PIGU: variants seen among roughly 807,000 people sequenced by gnomAD.
The protein encoded by PIGU is GPI-anchor transamidase component PIGU.
PIGU carries 24 observed loss-of-function variants against 49.9 expected under a neutral mutation model. The ratio of observed to expected loss-of-function variants is 0.48; its 90% CI spans 0.35 to 0.68. The LOEUF is 0.68. PIGU is among the 30% of genes least tolerant of loss of function. PIGU has a pLI of 0.01. For missense variants in PIGU, 490 were observed against 532.6 expected (o/e 0.92, Z 0.79); for synonymous variants, 220 against 205.7 (o/e 1.07, Z -0.59).
chr20:34,653,767 A>C (rs1479319608), intron 2 of PIGU, among the ~76,000 whole-genome samples: 1 of 152,224 alleles, frequency 6.6e-6, no homozygotes, highest in East Asian at 1.9e-4. Flanking sequence ...ATAATGAGTA[A>C]AATAAACACA....
chr20:34,611,561 G>A (rs571087488), intron 7 of PIGU, among the ~76,000 whole-genome samples: 5 of 149,766 alleles, frequency 3.3e-5, no homozygotes, highest in East Asian at 3.9e-4. Flanking sequence ...CAGGAGAATC[G>A]CTTGAACCTG....
At chr20:34,644,571 CAATA>C (rs1986272883) in intron 3 of PIGU, among the ~76,000 whole-genome samples, 2 of 152,292 alleles carry the variant, frequency 1.3e-5, no homozygotes, top group East Asian at 3.9e-4. Flanking sequence ...AGTAGGTCCT[CAATA>C]AATAGAGTTT....
At chr20:34,584,967 C>A (rs1054231649) in intron 9 of PIGU, among the ~76,000 whole-genome samples, 1 of 152,154 alleles carries the variant, frequency 6.6e-6, no homozygotes, top group Non-Finnish European at 1.5e-5. Flanking sequence ...GGATTATATG[C>A]GTGAGCCACT....
chr20:34,637,283 T>A (rs556358775), intron 5 of PIGU, among the ~76,000 whole-genome samples: 2 of 152,342 alleles, frequency 1.3e-5, no homozygotes, highest in South Asian at 2.1e-4. Context: ...ATTCAATGAC[T>A]ATTAGTGGAT....
intron 4 of PIGU, among the ~76,000 whole-genome samples, chr20:34,638,687 A>C (rs6088552): frequency 6.6e-6 from 1 of 151,952 alleles, no homozygotes; most frequent in East Asian, 1.9e-4. Context: ...GAGGAGGCGT[A>C]GAATGGCCAT....
intron 11 of PIGU, among the ~76,000 whole-genome samples, chr20:34,561,948 C>G (rs1982533679): frequency 6.6e-6 from 1 of 152,202 alleles, no homozygotes. Context: ...CCTGACTGTG[C>G]CTCCTCCCCT....
intron 1 of PIGU, among the ~76,000 whole-genome samples, chr20:34,664,872 C>T (rs1462227388): frequency 2.6e-5 from 4 of 151,894 alleles, no homozygotes; most frequent in Middle Eastern, 3.4e-3. Flanking sequence ...TGCAGCTACT[C>T]AGCAGGCTGA....
chr20:34,595,509 T>C (rs1333995663), intron 7 of PIGU, among the ~76,000 whole-genome samples: 1 of 152,082 alleles, frequency 6.6e-6, no homozygotes, highest in Non-Finnish European at 1.5e-5. Flanking sequence ...CCACCACAAA[T>C]ACCGAGGGAA....
intron 1 of PIGU, among the ~76,000 whole-genome samples, chr20:34,663,859 GCACCAGT>G (rs774931490): frequency 1.3e-3 from 201 of 152,294 alleles, no homozygotes; most frequent in Admixed American, 2.4e-3. Flanking sequence ...ACTCTACAGG[GCACCAGT>G]ATGCGGCCGT....
At chr20:34,574,952 G>A (rs1005477605) in intron 11 of PIGU, 152 bp downstream of exon 11, 7 of 1,011,424 alleles carry the variant, frequency 6.9e-6, no homozygotes, top group African/African-American at 1.6e-5. Flanking sequence ...TTACTTCCCC[G>A]TCCTCACTGA....
chr20:34,660,862 T>A (rs1253709742), intron 1 of PIGU, among the ~76,000 whole-genome samples: 1 of 152,212 alleles, frequency 6.6e-6, no homozygotes, highest in Non-Finnish European at 1.5e-5. Flanking sequence ...TGGGGCAAAT[T>A]GATAAAATTC....
chr20:34,619,736 C>G (rs1826600887), intron 6 of PIGU, among the ~76,000 whole-genome samples: 1 of 152,210 alleles, frequency 6.6e-6, no homozygotes, highest in Admixed American at 6.5e-5. Context: ...GAAAAAGAGG[C>G]TCACAGCCTA....
chr20:34,565,639 G>A (rs1234819245), intron 11 of PIGU, among the ~76,000 whole-genome samples: 1 of 151,886 alleles, frequency 6.6e-6, no homozygotes, highest in Non-Finnish European at 1.5e-5. Flanking sequence ...CACCCAATGT[G>A]GCTGAAATAC....
intron 1 of PIGU, among the ~76,000 whole-genome samples, chr20:34,668,484 G>GT (rs1491314056): frequency 1.8e-4 from 7 of 39,308 alleles, no homozygotes; most frequent in Non-Finnish European, 2.9e-4. Flanking sequence ...AAAAAAAAAA[G>GT]GGGGGGGCGG....
intron 11 of PIGU, among the ~76,000 whole-genome samples, chr20:34,567,399 T>C (rs1251545422): frequency 6.6e-6 from 1 of 152,218 alleles, no homozygotes; most frequent in Non-Finnish European, 1.5e-5. Context: ...AGACTGAGGA[T>C]GAGGCTACAA....
intron 1 of PIGU, among the ~76,000 whole-genome samples, chr20:34,666,765 C>T (rs1267193879): frequency 3.5e-5 from 5 of 144,094 alleles, no homozygotes; most frequent in African/African-American, 1.0e-4. Context: ...GGCGCGATCT[C>T]GGCTCACTGC....
chr20:34,625,956 T>A (rs1056050202), intron 6 of PIGU, among the ~76,000 whole-genome samples: 3 of 112,886 alleles, frequency 2.7e-5, no homozygotes, highest in African/African-American at 3.7e-5. Flanking sequence ...TACATATATA[T>A]AATATATATA....
chr20:34,673,845 G>A (rs6059976), intron 1 of PIGU, among the ~76,000 whole-genome samples: 62,998 of 151,748 alleles, frequency 0.42, 13,607 homozygotes, highest in Middle Eastern at 0.51. Context: ...ACGAGGTCAG[G>A]AGATCAAGAC....
intron 11 of PIGU, 67 bp downstream of exon 11, chr20:34,575,037 C>T (rs1435711520): frequency 1.9e-6 from 3 of 1,578,748 alleles, no homozygotes; most frequent in East Asian, 2.2e-5. Flanking sequence ...CCAAGGCCAT[C>T]GTTGAATGCT....
Sources: allele counts gnomAD v4.1 joint callset (sites outside exome capture counted in the v4.1 genomes callset), GRCh38; gene constraint gnomAD v4.1.1; transcripts MANE v1.5; gene names NCBI Gene and HGNC (gene_info 2026-07-23, HGNC 2026-07-21).